PRKD2: variants seen among roughly 807,000 people sequenced by gnomAD.
The protein encoded by PRKD2 is serine/threonine-protein kinase D2.
Under a neutral mutation model 86.0 loss-of-function variants are expected in PRKD2, and 22 were observed. That is an observed-to-expected ratio of 0.26 (90% CI 0.18 to 0.37). The LOEUF is 0.37. PRKD2 is among the 10% of genes least tolerant of loss of function. The probability of loss-of-function intolerance (pLI) is 1.00; values close to 1 mark genes in which losing one functional copy is unlikely to be tolerated. For synonymous variants in PRKD2, 509 were observed against 510.9 expected (o/e 1.00, Z 0.05); for missense variants, 818 against 1,199.2 (o/e 0.68, Z 4.70).
At chr19:46,713,812 T>TG in intron 2 of PRKD2, 51 bp downstream of exon 2, 12 of 804,622 alleles carry the variant, frequency 1.5e-5, no homozygotes, top group Middle Eastern at 4.3e-4. Flanking sequence ...CTCCCCCAGA[T>TG]GCCCCGCCCC....
intron 16 of PRKD2, among the ~76,000 whole-genome samples, chr19:46,676,797 TGCCTGCAATCCCA>T (rs1467300237): frequency 2.6e-5 from 4 of 152,204 alleles, no homozygotes; most frequent in African/African-American, 7.2e-5. Context: ...TGATGGCTTA[TGCCTGCAATCCCA>T]GCACTTTGGG....
At chr19:46,712,278 C>T (rs1416458910) in intron 2 of PRKD2, among the ~76,000 whole-genome samples, 2 of 150,140 alleles carry the variant, frequency 1.3e-5, no homozygotes, top group East Asian at 4.0e-4. Context: ...CGGTGGCTCA[C>T]ACCTGTAATC....
chr19:46,675,370 C>T (rs1448890071), intron 16 of PRKD2, among the ~76,000 whole-genome samples: 2 of 152,108 alleles, frequency 1.3e-5, no homozygotes, highest in Admixed American at 6.5e-5. Context: ...TTTCCCCATT[C>T]CCCTATGTCA....
chr19:46,707,822 C>T (rs570241455), intron 3 of PRKD2, among the ~76,000 whole-genome samples: 7 of 152,160 alleles, frequency 4.6e-5, no homozygotes, highest in South Asian at 2.1e-4. Context: ...TTTGGACAGG[C>T]GCGGTGGCTC....
At chr19:46,699,758 C>G (rs2053609920) in intron 7 of PRKD2, among the ~76,000 whole-genome samples, 1 of 151,970 alleles carries the variant, frequency 6.6e-6, no homozygotes, top group African/African-American at 2.4e-5. Context: ...TCCAGTGGAG[C>G]TGACTAAGTA....
chr19:46,694,108 G>A lies in PRKD2; in HGVS notation c.1343C>T (p.Thr448Met), dbSNP rs768462170. ...YKEIPLSEIL[T>M]VESAQNFSLV... ...GCTGAAGTTCTGGGCGGACTCCACCGTGAGGATTTCTGACAGCGGAATTTC... is the reference window on the plus strand; with the variant it reads ...GCTGAAGTTCTGGGCGGACTCCACCATGAGGATTTCTGACAGCGGAATTTC... The change falls in exon 10 of 18, where the codon ACG (threonine) becomes ATG (methionine). Residue 448 changes from threonine to methionine, a missense_variant. By Grantham distance (81) the Thr-to-Met change is moderately conservative. Transcript: ENST00000291281. 5.9e-5 allele frequency: 95 copies of A among 1,613,932 alleles called. No homozygotes were observed. The highest frequency in any genetic ancestry group is 7.5e-5 in the Non-Finnish European group (89 of 1,179,944).
chr19:46,706,297 A>G (rs1034042984), intron 3 of PRKD2, among the ~76,000 whole-genome samples: 5 of 152,128 alleles, frequency 3.3e-5, no homozygotes, highest in Non-Finnish European at 7.4e-5. Context: ...TCTATTCTGG[A>G]GTGAAGAATG....
In PRKD2 at chr19:46,717,022, T is replaced by TG. The variant is rs2053889483; in HGVS notation, c.-653dup. 2 of 83,846 alleles carry TG rather than the reference T, an allele frequency of 2.4e-5. No homozygotes were observed. Among genetic ancestry groups the TG allele is most frequent in the South Asian group, 7.3e-4 (2 of 2,756 alleles). 5.2% of individuals were successfully genotyped at this position (83,846 alleles called of 1,614,324 possible). A position where few individuals can be genotyped will look rare whatever the true frequency, so the allele number is the denominator to read the frequency against. The stretch of plus-strand genomic sequence containing the variant: ...GGGGCGTTGCCGGAGCGGGGTTGGG[T>TG]GGGGGGCAGGGAGGGTCGCCAGGCG... On this transcript the variant is annotated 5_prime_UTR_variant, in exon 1 of 18. Transcript: ENST00000291281.
At chr19:46,714,555 C>G (rs1375087369) in intron 1 of PRKD2, 1 of 146,714 alleles carries the variant, frequency 6.8e-6, no homozygotes, top group African/African-American at 2.5e-5. Context: ...CTCAAAGGAC[C>G]CAGGTGTCTG....
chr19:46,694,550 G>A (rs1179400501), intron 9 of PRKD2, among the ~76,000 whole-genome samples: 1 of 151,990 alleles, frequency 6.6e-6, no homozygotes, highest in Non-Finnish European at 1.5e-5. Context: ...AGCCAAGATC[G>A]CACCACTGCA....
At chr19:46,701,212 T>A in intron 5 of PRKD2, 100 bp from the exon 6 acceptor site, 24 of 1,271,474 alleles carry the variant, frequency 1.9e-5, no homozygotes, top group Non-Finnish European at 2.7e-5. Context: ...AAGAGTCTAC[T>A]CTTGCTGTCT....
In PRKD2 at chr19:46,712,459, T is replaced by C. The variant is rs191636006; in HGVS notation, c.379+1404A>G. On this transcript the variant is annotated intron_variant, in intron 2 of 17. Coordinates refer to ENST00000291281, the MANE Select transcript of PRKD2 (RefSeq NM_016457.5). The stretch of plus-strand genomic sequence containing the variant: ...GGGAGGCTGAGGCAGGAGAATCGCT[T>C]GAACCCAGGAGGCAGAGGTTGCAGC... Among the ~76,000 whole-genome samples, 273 of 151,958 alleles carry C rather than the reference T, an allele frequency of 1.8e-3. 1 individual carries two copies. Among genetic ancestry groups the C allele is most frequent in the African/African-American group, 5.9e-3 (245 of 41,402 alleles).
At position 46,693,770 on chromosome 19, in the gene PRKD2, CAA is replaced by C. The variant is rs2053514920; in HGVS notation, c.1576+103_1576+104del. The C allele has an allele frequency of 6.8e-7, 1 of 1,463,486 alleles. No homozygotes were observed. The highest frequency in any genetic ancestry group is 1.4e-5 in the African/African-American group (1 of 70,920). 90.7% of individuals were successfully genotyped at this position (1,463,486 alleles called of 1,614,324 possible). A position where few individuals can be genotyped will look rare whatever the true frequency, so the allele number is the denominator to read the frequency against. The stretch of plus-strand genomic sequence containing the variant: ...CTGCTGAGTCCAGAAGCTGCGTTCT[CAA>C]CCCCACCATTGCCCACTTTCCTCTT... On this transcript the variant is annotated intron_variant, in intron 10 of 17. Coordinates refer to ENST00000291281, the MANE Select transcript of PRKD2 (RefSeq NM_016457.5). The surrounding 1 kb of genome is among the most constrained non-coding windows in gnomAD (Gnocchi z 4.5).
At position 46,691,634 on chromosome 19, in the gene PRKD2, C is replaced by CA. The variant is rs1599822775; in HGVS notation, c.1702+100dup. On this transcript the variant is annotated intron_variant, in intron 12 of 17. Transcript: ENST00000291281. The stretch of plus-strand genomic sequence containing the variant: ...TCAACATGGGAGGTGAGCATGTGAC[C>CA]AATCAGAAAGGAAGGGTTGGAGCCA... 2.6e-6 allele frequency: 3 copies of CA among 1,175,734 alleles called. No homozygotes were observed. In the East Asian group the frequency reaches 7.0e-5, roughly 27 times the overall value. The allele number at this position is 1,175,734 out of a possible 1,614,324, so 72.8% of individuals were successfully genotyped here. A position where few individuals can be genotyped will look rare whatever the true frequency, so the allele number is the denominator to read the frequency against.
At chr19:46,697,627 C>G in intron 8 of PRKD2, 106 bp downstream of exon 8, 1 of 1,046,880 alleles carries the variant, frequency 9.6e-7, no homozygotes, top group East Asian at 2.4e-5. Flanking sequence ...ACTGGCCCCG[C>G]TCGCGCCTAG....
intron 16 of PRKD2, 54 bp from the exon 17 acceptor site, chr19:46,675,172 T>C: frequency 6.8e-7 from 1 of 1,475,048 alleles, no homozygotes; most frequent in Admixed American, 1.9e-5. Context: ...TCACTCCTCC[T>C]CCAATAGGCA....
intron 7 of PRKD2, among the ~76,000 whole-genome samples, chr19:46,698,121 C>T (rs1024081455): frequency 6.6e-6 from 1 of 152,148 alleles, no homozygotes; most frequent in Non-Finnish European, 1.5e-5. Context: ...CGTGCCTCAG[C>T]CTCCTGAGTG....
At chr19:46,684,832 G>A (rs535504962) in intron 14 of PRKD2, among the ~76,000 whole-genome samples, 9 of 151,984 alleles carry the variant, frequency 5.9e-5, no homozygotes, top group Non-Finnish European at 1.2e-4. Context: ...GAATGGTGGC[G>A]TGTGCCTGTG....
rs966123794 is a variant in PRKD2 at position 46,678,219 on chromosome 19, C to A, written c.2338+177G>T. 1.9e-6 allele frequency: 2 copies of A among 1,033,502 alleles called. No individual in the cohort carries two copies. Among genetic ancestry groups the A allele is most frequent in the African/African-American group, 3.2e-5 (2 of 62,032 alleles). The allele number at this position is 1,033,502 out of a possible 1,614,324, so 64.0% of individuals were successfully genotyped here. A position where few individuals can be genotyped will look rare whatever the true frequency, so the allele number is the denominator to read the frequency against. On this transcript the variant is annotated intron_variant, in intron 16 of 17. Transcript: ENST00000291281. The surrounding 1 kb of genome is among the most constrained non-coding windows in gnomAD (Gnocchi z 5.7). Reference sequence around the variant, plus strand: ...AGTCTAGGCCTGAGTCCCAGCCCATCTTTTACAGGACGGCTCCTCCTGTAG... The same window carrying A: ...AGTCTAGGCCTGAGTCCCAGCCCATATTTTACAGGACGGCTCCTCCTGTAG...
Sources: gnomAD v4.1 joint callset for allele counts (sites outside exome capture counted in the v4.1 genomes callset) on GRCh38, gnomAD v4.1.1 for gene constraint, Gnocchi (gnomAD v3.1) non-coding constraint, MANE v1.5 for transcripts, NCBI Gene and HGNC (gene_info 2026-07-23, HGNC 2026-07-21) for gene names.